LAMA2: variants seen among roughly 807,000 people sequenced by gnomAD.
LAMA2 encodes laminin subunit alpha 2, also known as laminin subunit alpha-2.
In LAMA2, 269 loss-of-function variants were observed where a neutral mutation model predicts 364.8. The ratio of observed to expected loss-of-function variants is 0.74; its 90% CI spans 0.67 to 0.82. The LOEUF (loss-of-function observed/expected upper bound fraction) is 0.82, where lower values mean the gene tolerates loss of function less well. Ranked by LOEUF, LAMA2 falls within the 40% of genes least tolerant of loss-of-function variation. The pLI is 0.00. For synonymous variants in LAMA2, 1,379 were observed against 1,370.6 expected (o/e 1.01, Z -0.14); for missense variants, 3,807 against 3,873.2 (o/e 0.98, Z 0.45).
intron 1 of LAMA2, among the ~76,000 whole-genome samples, chr6:129,037,748 C>A (rs925445559): frequency 7.3e-5 from 11 of 151,226 alleles, no homozygotes; most frequent in South Asian, 4.2e-4. Context: ...CTGCTCACTG[C>A]AAGCTCCGCC....
rs781580213 is a variant in LAMA2 at position 129,312,991 on chromosome 6, G to T, written c.3305G>T (p.Arg1102Leu). The T allele has an allele frequency of 1.2e-6, 2 of 1,614,072 alleles. No homozygotes were observed. Among genetic ancestry groups the T allele is most frequent in the South Asian group, 1.1e-5 (1 of 91,074 alleles). Residue 1102 changes from arginine (R) to leucine (L), a missense_variant, in exon 23 of 65, where the codon CGC becomes CTC. Arg to Leu is a moderately radical substitution (Grantham distance 102, BLOSUM62 -2). Transcript: ENST00000421865. ...AGTCGAGGTCACTGGAACTACCCTC[G>T]CTGCAATCTCTGTGACTGCTTCCTC... is the stretch of plus-strand genomic sequence containing the variant. Reference protein sequence around the residue: ...ECSRGHWNYPRCNLCDCFLPG... With the variant: ...ECSRGHWNYPLCNLCDCFLPG...
intron 12 of LAMA2, among the ~76,000 whole-genome samples, chr6:129,219,807 T>C (rs1057275636): frequency 1.0e-5 from 1 of 98,460 alleles, no homozygotes; most frequent in Non-Finnish European, 1.8e-5. Context: ...AAGGGGAACA[T>C]CACACTCTGG....
At chr6:129,453,706 C>T (rs1287613787) in intron 46 of LAMA2, among the ~76,000 whole-genome samples, 1 of 152,090 alleles carries the variant, frequency 6.6e-6, no homozygotes, top group African/African-American at 2.4e-5. Flanking sequence ...CTTAACAAAT[C>T]ATTCATGGCA....
chr6:129,134,943 A>G (rs1583107039), intron 4 of LAMA2, among the ~76,000 whole-genome samples: 1 of 152,124 alleles, frequency 6.6e-6, no homozygotes, highest in Admixed American at 6.5e-5. Flanking sequence ...GTCTGGAACT[A>G]TCCTTTGGCT....
chr6:129,398,758 G>A (rs940886976), intron 37 of LAMA2, among the ~76,000 whole-genome samples: 8 of 152,068 alleles, frequency 5.3e-5, no homozygotes, highest in African/African-American at 1.2e-4. Flanking sequence ...ACAGGCATGA[G>A]CCACCGTGCC....
intron 43 of LAMA2, among the ~76,000 whole-genome samples, chr6:129,442,624 G>T (rs537632904): frequency 6.6e-6 from 1 of 151,874 alleles, no homozygotes; most frequent in Non-Finnish European, 1.5e-5. Flanking sequence ...ATTTCATCAC[G>T]CATGTATTAA....
chr6:129,378,373 G>T (rs1240272050), intron 34 of LAMA2, among the ~76,000 whole-genome samples: 1 of 152,126 alleles, frequency 6.6e-6, no homozygotes, highest in Non-Finnish European at 1.5e-5. Context: ...TGTGAATTTT[G>T]CTTTGGCAGT....
intron 58 of LAMA2, among the ~76,000 whole-genome samples, chr6:129,500,047 G>A (rs1262108576): frequency 3.3e-5 from 5 of 151,892 alleles, no homozygotes; most frequent in East Asian, 1.9e-4. Context: ...GAGCCACCAC[G>A]CCCATCCCTT....
intron 15 of LAMA2, 100 bp from the exon 16 acceptor site, chr6:129,267,006 C>T (rs1028868252): frequency 1.2e-6 from 1 of 807,740 alleles, no homozygotes; most frequent in Admixed American, 1.7e-5. Context: ...GATGAGTTTC[C>T]TACCTGTTAT....
At chr6:129,442,098 T>C in intron 43 of LAMA2, 1 of 678,202 alleles carries the variant, frequency 1.5e-6, no homozygotes, top group Non-Finnish European at 2.3e-6. Flanking sequence ...TATGCCAACA[T>C]TTTTGGGGGG....
chr6:129,106,144 T>G (rs1394518674), intron 4 of LAMA2, among the ~76,000 whole-genome samples: 1 of 151,632 alleles, frequency 6.6e-6, no homozygotes, highest in Non-Finnish European at 1.5e-5. Context: ...TCATTAAATC[T>G]TGAAGACACT....
At chr6:129,034,658 A>C (rs942304776) in intron 1 of LAMA2, among the ~76,000 whole-genome samples, 1 of 151,902 alleles carries the variant, frequency 6.6e-6, no homozygotes, top group Admixed American at 6.6e-5. Flanking sequence ...CTGGGTGTCT[A>C]TTATTTCCAT....
intron 11 of LAMA2, among the ~76,000 whole-genome samples, chr6:129,191,388 T>G (rs1781515704): frequency 6.6e-6 from 1 of 152,224 alleles, no homozygotes. Context: ...TGTATTGCTT[T>G]CAGAGCAGAC....
At chr6:129,128,539 C>T (rs1777254227) in intron 4 of LAMA2, among the ~76,000 whole-genome samples, 3 of 152,264 alleles carry the variant, frequency 2.0e-5, no homozygotes, top group Admixed American at 2.0e-4. Flanking sequence ...AAAATGACAT[C>T]AAAATCTTGA....
chr6:128,935,761 C>G (rs1779776133), intron 1 of LAMA2, among the ~76,000 whole-genome samples: 2 of 152,170 alleles, frequency 1.3e-5, no homozygotes, highest in Middle Eastern at 3.4e-3. Context: ...TCTTCCTTTC[C>G]AATTTAGATG....
chr6:128,935,810 G>A (rs1217158482), intron 1 of LAMA2, among the ~76,000 whole-genome samples: 9 of 152,050 alleles, frequency 5.9e-5, no homozygotes, highest in Admixed American at 5.9e-4. Flanking sequence ...CTCTGACTAG[G>A]ACTCATAGTA....
intron 50 of LAMA2, among the ~76,000 whole-genome samples, 190 bp downstream of exon 50, chr6:129,464,642 C>T (rs187984344): frequency 1.3e-5 from 2 of 152,060 alleles, no homozygotes; most frequent in Admixed American, 1.3e-4. Context: ...ACTTTAATCA[C>T]AGATACAATT....
intron 37 of LAMA2, among the ~76,000 whole-genome samples, chr6:129,399,562 G>A (rs536682488): frequency 6.6e-6 from 1 of 152,344 alleles, no homozygotes; most frequent in African/African-American, 2.4e-5. Context: ...CAGAAGGGCT[G>A]TCACTTGGAT....
chr6:128,890,606 A>G (rs74352039), intron 1 of LAMA2, among the ~76,000 whole-genome samples: 1,921 of 152,108 alleles, frequency 0.013, 14 homozygotes, highest in Non-Finnish European at 0.02. Flanking sequence ...ACACACATGT[A>G]TTACTTAAAA....
Sources: gnomAD v4.1 joint callset for allele counts (sites outside exome capture counted in the v4.1 genomes callset) on GRCh38, gnomAD v4.1.1 for gene constraint, MANE v1.5 for transcripts, NCBI Gene and HGNC (gene_info 2026-07-23, HGNC 2026-07-21) for gene names.